Variants in DHRS12 observed in about 807,000 individuals in gnomAD.
The protein encoded by DHRS12 is dehydrogenase/reductase SDR family member 12.
In DHRS12, 29 loss-of-function variants were observed where a neutral mutation model predicts 32.1. That is an observed-to-expected ratio of 0.90 (90% CI 0.67 to 1.23). The LOEUF (loss-of-function observed/expected upper bound fraction) is 1.23. Among genes scored for constraint, DHRS12 ranks in the 50% most tolerant of loss-of-function variants. DHRS12 has a pLI of 0.00. For missense variants in DHRS12, 330 were observed against 337.2 expected (o/e 0.98, Z 0.17); for synonymous variants, 150 against 135.9 (o/e 1.10, Z -0.72).
chr13:51,782,422 G>A lies in DHRS12; in HGVS notation c.302-5301C>T, dbSNP rs1262780691. Reference sequence around the variant, plus strand: ...CCGAGGGTGGAATCACAGGTGGCTTGGAGGCCATCGCGCTATGGGAGCACG... The same window carrying A: ...CCGAGGGTGGAATCACAGGTGGCTTAGAGGCCATCGCGCTATGGGAGCACG... On this transcript the variant is annotated intron_variant, in intron 4 of 8. Coordinates refer to ENST00000444610, the MANE Select transcript of DHRS12 (RefSeq NM_001377533.1). The surrounding 1 kb of genome is among the most constrained non-coding windows in gnomAD (Gnocchi z 4.2). 6.6e-6 allele frequency among the ~76,000 whole-genome samples: 1 copy of A among 152,196 alleles called. No individual in the cohort carries two copies. Among genetic ancestry groups the A allele is most frequent in the African/African-American group, 2.4e-5 (1 of 41,430 alleles).
chr13:51,800,120 A>C (rs2139430681), intron 1 of DHRS12, among the ~76,000 whole-genome samples: 1 of 152,236 alleles, frequency 6.6e-6, no homozygotes, highest in South Asian at 2.1e-4. Context: ...ATAAAGGAGG[A>C]GGATGGTAGA....
At chr13:51,783,355 G>A (rs1010942848) in intron 4 of DHRS12, among the ~76,000 whole-genome samples, 5 of 152,100 alleles carry the variant, frequency 3.3e-5, no homozygotes, top group African/African-American at 9.7e-5. Context: ...TACTGAGGAC[G>A]AGCACCAAGA....
chr13:51,772,743 G>A, intron 6 of DHRS12: 1 of 985,438 alleles, frequency 1.0e-6, no homozygotes, highest in Non-Finnish European at 1.2e-6. Context: ...GATCATGCTT[G>A]GCAAAGAACT....
chr13:51,767,969 TAAG>T (rs2138856706), downstream of DHRS12: 1 of 1,355,906 alleles, frequency 7.4e-7, no homozygotes, highest in Non-Finnish European at 9.5e-7. Context: ...AGACTTAAAA[TAAG>T]AAAAGAACCT....
At chr13:51,800,899 T>C (rs1323777007) in intron 1 of DHRS12, among the ~76,000 whole-genome samples, 1 of 152,238 alleles carries the variant, frequency 6.6e-6, no homozygotes, top group Non-Finnish European at 1.5e-5. Context: ...CCATTGCTTC[T>C]GCTGTGAGTG....
chr13:51,798,057 G>A (rs370301736), intron 2 of DHRS12: 1 of 761,872 alleles, frequency 1.3e-6, no homozygotes, highest in Non-Finnish European at 2.1e-6. Context: ...GAGCAGCAAG[G>A]GCGATGGTGA....
At chr13:51,759,662 C>A in the DHRS12 span, 1 of 1,431,946 alleles carries the variant, frequency 7.0e-7, no homozygotes, top group Non-Finnish European at 9.7e-7. Flanking sequence ...AAAAAATTTC[C>A]TTGAAGAATT....
In DHRS12 at chr13:51,774,496, TGTATTCTCCTACA is replaced by T. The variant is rs1403102666; in HGVS notation, c.364-475_364-463del. 5.4e-4 allele frequency: 32 copies of T among 58,782 alleles called. 1 individual carries two copies. Among genetic ancestry groups the T allele is most frequent in the African/African-American group, 8.9e-4 (9 of 10,154 alleles). The allele number at this position is 58,782 out of a possible 1,614,324, so 3.6% of individuals were successfully genotyped here. ...TATTCTCCTACAGTATTCTCCTACA[TGTATTCTCCTACA>T]GTATTCTCCTACAGTATTCTCCTAC... is the stretch of plus-strand genomic sequence containing the variant. On this transcript the variant is annotated intron_variant, in intron 5 of 8. Coordinates refer to ENST00000444610, the MANE Select transcript of DHRS12 (RefSeq NM_001377533.1).
chr13:51,757,583 G>A, the DHRS12 span, among the ~76,000 whole-genome samples: 7 of 151,728 alleles, frequency 4.6e-5, no homozygotes, highest in East Asian at 1.4e-3. Flanking sequence ...CTTCTCTGTG[G>A]AAGCACTTGC....
intron 7 of DHRS12, chr13:51,771,396 T>A: frequency 6.2e-7 from 1 of 1,614,168 alleles, no homozygotes; most frequent in Non-Finnish European, 8.5e-7. Flanking sequence ...TCCTTGTGGC[T>A]GGCATTTACC....
Position 51,804,145 on chromosome 13 carries a change from C to G in DHRS12, c.-100G>C, listed in dbSNP as rs1268557681. On this transcript the variant is annotated 5_prime_UTR_variant, in exon 1 of 9. Coordinates refer to ENST00000444610, the MANE Select transcript of DHRS12 (RefSeq NM_001377533.1). The stretch of plus-strand genomic sequence containing the variant: ...CCCCACGCCTAGCCCCACCGCGCTC[C>G]CGGCGCGGCCTCCGCCCTGGTCCCG... The G allele has an allele frequency of 1.1e-5, 16 of 1,445,800 alleles. No homozygotes were observed. The highest frequency in any genetic ancestry group is 1.5e-5 in the Non-Finnish European group (16 of 1,102,866). 89.6% of individuals were successfully genotyped at this position (1,445,800 alleles called of 1,614,324 possible). A position where few individuals can be genotyped will look rare whatever the true frequency, so the allele number is the denominator to read the frequency against.
At chr13:51,758,156 C>T in the DHRS12 span, 9 of 1,503,234 alleles carry the variant, frequency 6.0e-6, no homozygotes, top group Middle Eastern at 3.5e-4. Flanking sequence ...TATGTCACCA[C>T]CTTTTCCCCT....
At chr13:51,798,357 T>C (rs996656800) in intron 2 of DHRS12, among the ~76,000 whole-genome samples, 2 of 152,216 alleles carry the variant, frequency 1.3e-5, no homozygotes, top group Non-Finnish European at 2.9e-5. Context: ...TTGCCTAGCA[T>C]GTAGTAGAGA....
At chr13:51,771,432 C>G in intron 7 of DHRS12, 1 of 1,614,188 alleles carries the variant, frequency 6.2e-7, no homozygotes, top group Non-Finnish European at 8.5e-7. Context: ...TTCCAAAAAC[C>G]TGGGGAGTGG....
intron 2 of DHRS12, among the ~76,000 whole-genome samples, chr13:51,796,517 C>T (rs1248957660): frequency 6.6e-6 from 1 of 152,190 alleles, no homozygotes; most frequent in Non-Finnish European, 1.5e-5. Context: ...GCTTGCTCCC[C>T]TTTTCAGCTC....
the DHRS12 span, chr13:51,755,345 T>G: frequency 6.2e-7 from 1 of 1,614,098 alleles, no homozygotes; most frequent in Non-Finnish European, 8.5e-7. Flanking sequence ...TGTTCTGTGC[T>G]TTATTTGACA....
intron 4 of DHRS12, among the ~76,000 whole-genome samples, chr13:51,779,839 T>C (rs1954619658): frequency 6.6e-6 from 1 of 152,140 alleles, no homozygotes; most frequent in African/African-American, 2.4e-5. Flanking sequence ...TTGTCTCAGT[T>C]AGGAAGTCCA....
chr13:51,771,627 G>C, intron 7 of DHRS12, 194 bp downstream of exon 7: 1 of 1,456,792 alleles, frequency 6.9e-7, no homozygotes, highest in Non-Finnish European at 9.3e-7. Flanking sequence ...CAAGCTGGAA[G>C]CAAAAGCTCT....
At chr13:51,803,732 G>A (rs768859191) in intron 1 of DHRS12, 11 of 239,902 alleles carry the variant, frequency 4.6e-5, no homozygotes, top group Non-Finnish European at 8.8e-5. Context: ...ACACCCAGCG[G>A]GGCGCCGAGG....
Sources: gnomAD v4.1 joint callset for allele counts (sites outside exome capture counted in the v4.1 genomes callset) on GRCh38, gnomAD v4.1.1 for gene constraint, Gnocchi (gnomAD v3.1) non-coding constraint, MANE v1.5 for transcripts, NCBI Gene and HGNC (gene_info 2026-07-23, HGNC 2026-07-21) for gene names.